VEPH1: variants seen among roughly 807,000 people sequenced by gnomAD.
VEPH1 encodes ventricular zone-expressed PH domain-containing protein homolog 1.
VEPH1 carries 80 observed loss-of-function variants against 85.2 expected under a neutral mutation model. That is an observed-to-expected ratio of 0.94 (90% CI 0.78 to 1.13). VEPH1 has a LOEUF of 1.13. VEPH1 is among the 50% of genes most tolerant of loss of function. VEPH1 has a pLI of 0.00. For synonymous variants in VEPH1, 297 were observed against 348.0 expected (o/e 0.85, Z 1.63); for missense variants, 955 against 980.5 (o/e 0.97, Z 0.35).
chr3:157,401,418 C>G (rs1474385469), intron 6 of VEPH1, among the ~76,000 whole-genome samples: 1 of 152,094 alleles, frequency 6.6e-6, no homozygotes, highest in African/African-American at 2.4e-5. Context: ...ACATAATTTA[C>G]TCATTAGATA....
intron 11 of VEPH1, among the ~76,000 whole-genome samples, chr3:157,305,591 T>C (rs1719425724): frequency 6.6e-6 from 1 of 152,342 alleles, no homozygotes; most frequent in Middle Eastern, 3.4e-3. Context: ...TTCAGATTAC[T>C]TCTTTAGAAC....
At chr3:157,413,843 G>C in intron 6 of VEPH1, 38 bp downstream of exon 6, 3 of 1,599,412 alleles carry the variant, frequency 1.9e-6, no homozygotes, top group Non-Finnish European at 2.6e-6. Context: ...AAGTGCCAGT[G>C]CAATTCAGGG....
In VEPH1 at chr3:157,434,917, A is replaced by G. The variant is rs111242113; in HGVS notation, c.530-6429T>C. 1.4e-4 allele frequency among the ~76,000 whole-genome samples: 21 copies of G among 152,332 alleles called. 1 individual carries two copies. The highest frequency in any genetic ancestry group is 5.1e-4 in the African/African-American group (21 of 41,574). On this transcript the variant is annotated intron_variant, in intron 4 of 13. Transcript: ENST00000362010. ...TAATTTCTTTTTCGTCCTCCTGAAC[A>G]ATGAAATGATTTTAGAATCCTATTA...
At chr3:157,289,378 C>T (rs1717193296) in intron 11 of VEPH1, among the ~76,000 whole-genome samples, 1 of 152,166 alleles carries the variant, frequency 6.6e-6, no homozygotes, top group Admixed American at 6.5e-5. Context: ...AACTACCTTC[C>T]TGCGTTCAAT....
chr3:157,261,415 A>T, intron 13 of VEPH1, 45 bp from the exon 14 acceptor site: 1 of 1,601,016 alleles, frequency 6.2e-7, no homozygotes. Flanking sequence ...CTGTTACTGT[A>T]GGCAAGGATC....
chr3:157,346,571 T>C (rs1217348902), intron 9 of VEPH1, among the ~76,000 whole-genome samples: 1 of 152,138 alleles, frequency 6.6e-6, no homozygotes, highest in Non-Finnish European at 1.5e-5. Context: ...GTTTTACTTC[T>C]TGTTTTGGAA....
At chr3:157,329,893 C>T (rs1043672745) in intron 9 of VEPH1, among the ~76,000 whole-genome samples, 6 of 152,154 alleles carry the variant, frequency 3.9e-5, no homozygotes, top group Non-Finnish European at 7.4e-5. Flanking sequence ...GCATGAACTT[C>T]GGGATGAGAA....
chr3:157,281,515 A>G (rs927726520), intron 12 of VEPH1, among the ~76,000 whole-genome samples: 4 of 151,780 alleles, frequency 2.6e-5, no homozygotes, highest in Admixed American at 6.6e-5. Flanking sequence ...AATGCTAGCC[A>G]CCACATACAT....
rs1454576243 is a variant in VEPH1, at chr3:157,413,949, C to G, written c.838G>C (p.Gly280Arg). The change falls in exon 6 of 14, where the codon GGT (glycine) becomes CGT (arginine). Residue 280 changes from glycine to arginine, a missense_variant. By Grantham distance (125) the Gly-to-Arg change is moderately radical (BLOSUM62 -2). Transcript: ENST00000362010. The stretch of plus-strand genomic sequence containing the variant: ...CCAGTGAGGTAGGGGAATCTCTCAC[C>G]AATCTCTTTCAGCATTGGAAGAAAA... ...NSFLPMLKEI[G>R]ERFPYLTGQM... The G allele has an allele frequency of 6.2e-7, 1 of 1,613,648 alleles. No individual in the cohort carries two copies. Among genetic ancestry groups the G allele is most frequent in the East Asian group, 2.2e-5 (1 of 44,838 alleles).
chr3:157,324,613 G>C (rs1405460126), intron 9 of VEPH1, among the ~76,000 whole-genome samples: 2 of 151,438 alleles, frequency 1.3e-5, no homozygotes, highest in South Asian at 4.2e-4. Context: ...GCATTAGTTT[G>C]CTGAGGGTAA....
rs188245741 is a variant in VEPH1, at chr3:157,282,433, A to C, written c.2128+4124T>G. Among the ~76,000 whole-genome samples the C allele has an allele frequency of 8.7e-4, 132 of 152,344 alleles. 1 individual carries two copies. In the South Asian group the frequency reaches 0.014, roughly 16 times the overall value. On this transcript the variant is annotated intron_variant, in intron 12 of 13. Transcript: ENST00000362010. ...AGTTCTAAAGATGAATCATGATAGA[A>C]AGTTGTTTGAAAAAATTGTTCCATT...
At chr3:157,403,515 T>C (rs1730921742) in intron 6 of VEPH1, among the ~76,000 whole-genome samples, 1 of 152,182 alleles carries the variant, frequency 6.6e-6, no homozygotes. Flanking sequence ...CTTGAACTCC[T>C]GGGCTCGAGT....
intron 10 of VEPH1, among the ~76,000 whole-genome samples, chr3:157,314,330 CAAAAAAAAAAAAAAAAAA>C (rs34703314): frequency 1.6e-3 from 69 of 43,212 alleles, no homozygotes; most frequent in African/African-American, 2.8e-3. Flanking sequence ...GAGGATCCGT[CAAAAAAAAAAAAAAAAAA>C]AAAAAAAAAA....
At chr3:157,493,335 A>AG (rs1483103388) in intron 2 of VEPH1, 1 of 455,158 alleles carries the variant, frequency 2.2e-6, no homozygotes, top group South Asian at 1.6e-5. Flanking sequence ...CTGAGATCCA[A>AG]GGTCATTAGG....
intron 11 of VEPH1, among the ~76,000 whole-genome samples, chr3:157,299,583 A>G (rs1559935495): frequency 6.6e-6 from 1 of 150,778 alleles, no homozygotes; most frequent in South Asian, 2.1e-4. Flanking sequence ...AAAAAAAAGA[A>G]AGAAAGAAAG....
chr3:157,345,338 AC>A (rs1559977764), intron 9 of VEPH1, among the ~76,000 whole-genome samples: 1 of 152,352 alleles, frequency 6.6e-6, no homozygotes, highest in Admixed American at 6.5e-5. Context: ...CAAGAAAAAA[AC>A]AACCCCATCA....
chr3:157,428,149 T>C (rs1732884877), intron 5 of VEPH1, among the ~76,000 whole-genome samples, 173 bp downstream of exon 5: 1 of 152,194 alleles, frequency 6.6e-6, no homozygotes, highest in African/African-American at 2.4e-5. Context: ...GCCTCCATAA[T>C]TTCATGAGCC....
At chr3:157,483,846 A>G (rs1738373511) in intron 2 of VEPH1, among the ~76,000 whole-genome samples, 1 of 152,232 alleles carries the variant, frequency 6.6e-6, no homozygotes, top group Admixed American at 6.5e-5. Flanking sequence ...TATGTACTCA[A>G]TACATATTTG....
intron 11 of VEPH1, among the ~76,000 whole-genome samples, chr3:157,302,550 C>T (rs1718922777): frequency 2.0e-5 from 3 of 152,222 alleles, no homozygotes; most frequent in Non-Finnish European, 4.4e-5. Flanking sequence ...ATTTGGGTGA[C>T]ATCTGTAAGC....
Sources: allele counts gnomAD v4.1 joint callset (sites outside exome capture counted in the v4.1 genomes callset), GRCh38; gene constraint gnomAD v4.1.1; transcripts MANE v1.5; gene names NCBI Gene and HGNC (gene_info 2026-07-23, HGNC 2026-07-21).